The following BLTP3B variants were observed in gnomAD, a reference collection of about 807,000 sequenced individuals.
The protein encoded by BLTP3B is UHRF1 (ICBP90) binding protein 1-like.
the BLTP3B span, among the ~76,000 whole-genome samples, chr12:100,087,469 G>C: frequency 6.6e-6 from 1 of 152,140 alleles, no homozygotes; most frequent in Non-Finnish European, 1.5e-5. Flanking sequence ...TCAGAATTCA[G>C]AAATGTTTAG....
chr12:100,091,292 G>C, the BLTP3B span, among the ~76,000 whole-genome samples: 1 of 147,426 alleles, frequency 6.8e-6, no homozygotes, highest in Non-Finnish European at 1.5e-5. Flanking sequence ...CAGTTCAAGC[G>C]ATTCTCCTGC....
the BLTP3B span, among the ~76,000 whole-genome samples, chr12:100,137,039 G>A: frequency 6.6e-6 from 1 of 152,076 alleles, no homozygotes; most frequent in Non-Finnish European, 1.5e-5. Flanking sequence ...TCGAACTCCC[G>A]ACCTCAGGTG....
the BLTP3B span, among the ~76,000 whole-genome samples, chr12:100,130,982 G>GGAGAGAGAGAGAGAGAGAGA: frequency 6.4e-5 from 4 of 62,222 alleles, 1 homozygote; most frequent in Non-Finnish European, 1.2e-4. Context: ...AGAGAGGGAG[G>GGAGAGAGAGAGAGAGAGAGA]GAGAGAGAGA....
chr12:100,116,448 C>CAAAAAAAAAAA, the BLTP3B span, among the ~76,000 whole-genome samples: 15 of 55,974 alleles, frequency 2.7e-4, no homozygotes, highest in African/African-American at 5.5e-4. Context: ...GATCCTGTCT[C>CAAAAAAAAAAA]AAAAAAAAAA....
chr12:100,087,830 T>C, the BLTP3B span, among the ~76,000 whole-genome samples: 2 of 152,258 alleles, frequency 1.3e-5, 1 homozygote, highest in South Asian at 4.1e-4. Flanking sequence ...ACTTTCTCCA[T>C]TCTCATTCTT....
At chr12:100,082,511 TC>T in the BLTP3B span, among the ~76,000 whole-genome samples, 4 of 152,394 alleles carry the variant, frequency 2.6e-5, no homozygotes, top group East Asian at 7.7e-4. Flanking sequence ...TTCCAGGGTT[TC>T]TATAGTGTCA....
At chr12:100,048,734 GGGA>G in the BLTP3B span, among the ~76,000 whole-genome samples, 546 of 138,760 alleles carry the variant, frequency 3.9e-3, 8 homozygotes, top group African/African-American at 0.013. Context: ...AGTAAGGGGG[GGGA>G]GAGAGAGAGA....
chr12:100,121,908 C>A, the BLTP3B span, among the ~76,000 whole-genome samples: 25 of 151,984 alleles, frequency 1.6e-4, no homozygotes, highest in African/African-American at 6.0e-4. Flanking sequence ...TTTAATAAAG[C>A]TGTTCAAATA....
At chr12:100,133,241 C>CA in the BLTP3B span, among the ~76,000 whole-genome samples, 1 of 151,678 alleles carries the variant, frequency 6.6e-6, no homozygotes, top group African/African-American at 2.4e-5. Context: ...GACTGTGTCT[C>CA]AAAAAAATAA....
chr12:100,051,123 T>G, the BLTP3B span: 1 of 1,613,978 alleles, frequency 6.2e-7, no homozygotes, highest in Non-Finnish European at 8.5e-7. Context: ...TTTGTACTGA[T>G]GGCATCTGGA....
the BLTP3B span, among the ~76,000 whole-genome samples, chr12:100,111,794 C>T: frequency 1.1e-3 from 171 of 151,944 alleles, no homozygotes; most frequent in African/African-American, 4.0e-3. Context: ...TTAGTAGAGA[C>T]GGGGTTTCAC....
the BLTP3B span, chr12:100,058,973 G>A: frequency 3.7e-6 from 6 of 1,614,080 alleles, no homozygotes; most frequent in Non-Finnish European, 5.1e-6. Flanking sequence ...ACTCCTTCAA[G>A]AGCTTCTTCC....
At chr12:100,129,140 A>G in the BLTP3B span, among the ~76,000 whole-genome samples, 1 of 152,096 alleles carries the variant, frequency 6.6e-6, no homozygotes, top group Non-Finnish European at 1.5e-5. Context: ...CAAAACCCCC[A>G]CTTTTAACTG....
At chr12:100,087,158 C>CAAAAAA in the BLTP3B span, among the ~76,000 whole-genome samples, 16 of 59,810 alleles carry the variant, frequency 2.7e-4, no homozygotes, top group Middle Eastern at 0.011. Context: ...GACTCCATCT[C>CAAAAAA]AAAAAAAAAA....
chr12:100,102,663 G>C, the BLTP3B span: 11 of 759,104 alleles, frequency 1.4e-5, no homozygotes, highest in Admixed American at 3.0e-5. Context: ...TGTTTGATGG[G>C]AGAGCTGACT....
the BLTP3B span, chr12:100,102,734 G>A: frequency 1.7e-6 from 2 of 1,188,820 alleles, no homozygotes; most frequent in South Asian, 1.4e-5. Context: ...TCCTGTTATT[G>A]GCAGTCATGC....
chr12:100,077,265 A>G, the BLTP3B span, among the ~76,000 whole-genome samples: 1 of 152,230 alleles, frequency 6.6e-6, no homozygotes, highest in Non-Finnish European at 1.5e-5. Context: ...GGTATTCAAT[A>G]CAGTAACATG....
At chr12:100,083,110 G>A in the BLTP3B span, 1 of 1,613,576 alleles carries the variant, frequency 6.2e-7, no homozygotes, top group Admixed American at 1.7e-5. Flanking sequence ...TGTTCTGCAT[G>A]TCCCTTTCAG....
chr12:100,046,829 C>T, the BLTP3B span, among the ~76,000 whole-genome samples: 2 of 152,012 alleles, frequency 1.3e-5, no homozygotes, highest in Non-Finnish European at 2.9e-5. Context: ...TGAGAAATAA[C>T]AAGGCAAATA....
Sources: allele counts gnomAD v4.1 joint callset (sites outside exome capture counted in the v4.1 genomes callset), GRCh38; gene constraint gnomAD v4.1.1; transcripts MANE v1.5; gene names NCBI Gene and HGNC (gene_info 2026-07-23, HGNC 2026-07-21).